Variants in PDLIM7 observed in about 807,000 individuals in gnomAD.
The protein encoded by PDLIM7 is PDZ and LIM domain 7, also known as PDZ and LIM domain protein 7.
PDLIM7 carries 37 observed loss-of-function variants against 53.9 expected under a neutral mutation model. The observed-to-expected ratio is 0.69, with a 90% CI of 0.53 to 0.90. The LOEUF is 0.90. PDLIM7 is among the 40% of genes least tolerant of loss of function. PDLIM7 has a pLI of 0.00. For synonymous variants in PDLIM7, 300 were observed against 261.3 expected (o/e 1.15, Z -1.43); for missense variants, 617 against 638.5 (o/e 0.97, Z 0.36).
At chr5:177,491,199 A>G in intron 5 of PDLIM7, 53 bp from the exon 6 acceptor site, 2 of 1,548,880 alleles carry the variant, frequency 1.3e-6, no homozygotes, top group Non-Finnish European at 1.8e-6. Context: ...CGGTGGGGGC[A>G]GCCCCTCCCA....
chr5:177,488,078 T>A lies in PDLIM7; in HGVS notation c.1040A>T (p.Lys347Met). ...GCCAGCCCTACTCACGCCTGTAATC[T>A]TCTTCTTGCACTTGGCACAGCTGGG... is the stretch of plus-strand genomic sequence containing the variant. ...YAPSCAKCKK[K>M]ITGEIMHALK... The change falls in exon 10 of 13, where the codon AAG becomes ATG. Residue 347 changes from lysine (K) to methionine (M), a missense_variant. By Grantham distance (95) the Lys-to-Met change is moderately conservative. Transcript: ENST00000355841. The A allele has an allele frequency of 1.3e-6, 2 of 1,599,112 alleles. No homozygotes were observed. Among genetic ancestry groups the A allele is most frequent in the African/African-American group, 1.3e-5 (1 of 74,640 alleles).
In PDLIM7 at chr5:177,492,396, G is replaced by A. The variant is rs893217109; in HGVS notation, c.279+9C>T. 1.2e-6 allele frequency: 2 copies of A among 1,613,020 alleles called. No homozygotes were observed. Among genetic ancestry groups the A allele is most frequent in the Admixed American group, 1.7e-5 (1 of 59,914 alleles). On this transcript the variant is annotated intron_variant, in intron 4 of 12. Transcript: ENST00000355841. ...GCCCACCGCCCGGATGTCCCGGCCA[G>A]CCTCGTACCTTCTGCGGTTTGCTCT...
At chr5:177,486,677 C>G (rs163200) in intron 10 of PDLIM7, among the ~76,000 whole-genome samples, 10 of 151,976 alleles carry the variant, frequency 6.6e-5, no homozygotes, top group Non-Finnish European at 1.2e-4. Flanking sequence ...CTCGCTCTGT[C>G]GCCCAGGCTG....
At chr5:177,492,135 G>T in intron 4 of PDLIM7, 1 of 595,534 alleles carries the variant, frequency 1.7e-6, no homozygotes, top group Non-Finnish European at 2.9e-6. Context: ...GCAGGACCGA[G>T]GGCTGACCGA....
In PDLIM7 at chr5:177,489,004, C is replaced by T. The variant is rs375187547; in HGVS notation, c.869+389G>A. 5.3e-5 allele frequency among the ~76,000 whole-genome samples: 8 copies of T among 152,152 alleles called. No homozygotes were observed. The East Asian group carries it at 9.7e-4, about 18-fold the overall frequency. On this transcript the variant is annotated intron_variant, in intron 9 of 12. Transcript: ENST00000355841. ...GGGTGTTTGATGCTGCTTGGCCCCA[C>T]GGGGCAGTGCACAGAGGGAGTGGCT...
At chr5:177,496,902 C>G (rs1397445763) in intron 1 of PDLIM7, 2 of 158,668 alleles carry the variant, frequency 1.3e-5, no homozygotes, top group African/African-American at 4.9e-5. Context: ...GCCCCCAGGT[C>G]CCGGCAGGCA....
intron 2 of PDLIM7, among the ~76,000 whole-genome samples, chr5:177,496,126 A>AT (rs1759057560): frequency 6.6e-6 from 1 of 152,094 alleles, no homozygotes; most frequent in African/African-American, 2.4e-5. Context: ...CTGAAATGTT[A>AT]GGCTCCCATC....
At chr5:177,486,219 G>A (rs1331418357) in intron 10 of PDLIM7, among the ~76,000 whole-genome samples, 2 of 151,928 alleles carry the variant, frequency 1.3e-5, no homozygotes, top group Non-Finnish European at 2.9e-5. Context: ...GCATCATGCA[G>A]GCAAATCTTC....
rs28524883 is a variant in PDLIM7 at position 177,483,398 on chromosome 5, G to A, written c.*246C>T. The A allele has an allele frequency of 0.011, 4,969 of 464,900 alleles. 195 individuals carry two copies. The highest frequency in any genetic ancestry group is 0.085 in the African/African-American group (4,357 of 51,044). 28.8% of individuals were successfully genotyped at this position (464,900 alleles called of 1,614,324 possible). A position where few individuals can be genotyped will look rare whatever the true frequency, so the allele number is the denominator to read the frequency against. Reference sequence around the variant, plus strand: ...ACAGGGGAAGGGCACACAAGACACAGCTGGGTACAGGTTTATTGTGGCACT... The same window carrying A: ...ACAGGGGAAGGGCACACAAGACACAACTGGGTACAGGTTTATTGTGGCACT... On this transcript the variant is annotated 3_prime_UTR_variant, in exon 13 of 13. Coordinates refer to ENST00000355841, the MANE Select transcript of PDLIM7 (RefSeq NM_005451.5).
intron 7 of PDLIM7, 108 bp downstream of exon 7, chr5:177,490,755 AAGGAAGG>A: frequency 2.4e-6 from 2 of 833,906 alleles, no homozygotes; most frequent in Non-Finnish European, 3.8e-6. Flanking sequence ...GGAAGGAAGG[AAGGAAGG>A]AAGGGAGAAT....
chr5:177,486,846 T>C (rs1455503927), intron 10 of PDLIM7, among the ~76,000 whole-genome samples: 1 of 150,016 alleles, frequency 6.7e-6, no homozygotes, highest in African/African-American at 2.5e-5. Flanking sequence ...TTAGCCAGGA[T>C]GGTCTCAATC....
At chr5:177,492,149 C>G in intron 4 of PDLIM7, 2 of 602,866 alleles carry the variant, frequency 3.3e-6, no homozygotes, top group South Asian at 2.0e-5. Flanking sequence ...TGACCGAGTG[C>G]GGGCGAGCAC....
rs1445295793 is a variant in PDLIM7, at chr5:177,489,565, G to A, written c.697C>T (p.Arg233Cys). Residue 233 changes from arginine to cysteine, a missense_variant, in exon 9 of 13, where the codon CGC (arginine) becomes TGC (cysteine). By Grantham distance (180) the Arg-to-Cys change is radical. Coordinates refer to ENST00000355841, the MANE Select transcript of PDLIM7 (RefSeq NM_005451.5). ...PWAVDPAFAE[R>C]YAPDKTSTVL... ...GTGCTCGTTTTGTCCGGGGCATAGC[G>A]CTCGGCAAACGCAGGGTCCACAGCC... 6 of 1,610,606 alleles carry A rather than the reference G, an allele frequency of 3.7e-6. No individual in the cohort carries two copies. The highest frequency in any genetic ancestry group is 1.7e-5 in the Admixed American group (1 of 59,764).
chr5:177,483,666 C>G lies in PDLIM7; in HGVS notation c.1352G>C (p.Ser451Thr). The stretch of plus-strand genomic sequence containing the variant: ...GGCTCACACATGAGAGAAGGCATGG[C>G]TCTTGCAGAGAGGCCTGTCCTTCTT... ...YSKKDRPLCK[S>T]HAFSHV Residue 451 changes from serine (S) to threonine (T), a missense_variant, in exon 13 of 13, where the codon AGC becomes ACC. Physicochemically the swap from Ser to Thr is moderately conservative, Grantham distance 58. Transcript: ENST00000355841. 1 of 1,612,340 alleles carries G rather than the reference C, an allele frequency of 6.2e-7. No individual in the cohort carries two copies. Among genetic ancestry groups the G allele is most frequent in the Non-Finnish European group, 8.5e-7 (1 of 1,178,544 alleles).
intron 10 of PDLIM7, 83 bp from the exon 11 acceptor site, chr5:177,484,273 C>T (rs969342063): frequency 6.5e-7 from 1 of 1,548,470 alleles, no homozygotes; most frequent in African/African-American, 1.4e-5. Context: ...GGGCTGGCCG[C>T]AAGCCCTGTT....
rs754277309 is a variant in PDLIM7 at position 177,491,803 on chromosome 5, G to T, written c.398+4C>A. Reference sequence around the variant, plus strand: ...TGGGCGCGGGCGGGCAGGGGCCGACGTACCCATTCTGCTGCGGGGCGCTGT... The same window carrying T: ...TGGGCGCGGGCGGGCAGGGGCCGACTTACCCATTCTGCTGCGGGGCGCTGT... On this transcript the variant is annotated splice_donor_region_variant and intron_variant, in intron 5 of 12. Coordinates refer to ENST00000355841, the MANE Select transcript of PDLIM7 (RefSeq NM_005451.5). 25 of 1,256,018 alleles carry T rather than the reference G, an allele frequency of 2.0e-5. No homozygotes were observed. The highest frequency in any genetic ancestry group is 9.3e-5 in the South Asian group (3 of 32,260). The allele number at this position is 1,256,018 out of a possible 1,614,324, so 77.8% of individuals were successfully genotyped here. A position where few individuals can be genotyped will look rare whatever the true frequency, so the allele number is the denominator to read the frequency against.
At chr5:177,493,416 G>A (rs1388162642) in intron 2 of PDLIM7, among the ~76,000 whole-genome samples, 1 of 152,248 alleles carries the variant, frequency 6.6e-6, no homozygotes, top group Non-Finnish European at 1.5e-5. Context: ...GTGGCAATGA[G>A]TAGAGACAGT....
At chr5:177,493,819 GTGGGGGGGATC>G (rs1176787412) in intron 2 of PDLIM7, among the ~76,000 whole-genome samples, 1 of 152,118 alleles carries the variant, frequency 6.6e-6, no homozygotes, top group Non-Finnish European at 1.5e-5. Context: ...ATTTCACTGG[GTGGGGGGGATC>G]TGGGGGGGTC....
At chr5:177,490,757 G>A (rs557138947) in intron 7 of PDLIM7, 113 bp downstream of exon 7, 41 of 1,022,196 alleles carry the variant, frequency 4.0e-5, no homozygotes, top group Non-Finnish European at 2.9e-5. Flanking sequence ...AAGGAAGGAA[G>A]GAAGGAAGGG....
Sources: allele counts gnomAD v4.1 joint callset (sites outside exome capture counted in the v4.1 genomes callset), GRCh38; gene constraint gnomAD v4.1.1; transcripts MANE v1.5; gene names NCBI Gene and HGNC (gene_info 2026-07-23, HGNC 2026-07-21).